CRB2: variants seen among roughly 807,000 people sequenced by gnomAD.
CRB2 encodes crumbs cell polarity complex component 2, also known as protein crumbs homolog 2.
A neutral mutation model predicts 110.9 loss-of-function variants in CRB2; 85 were observed. The ratio of observed to expected loss-of-function variants is 0.77; its 90% CI spans 0.64 to 0.92. The LOEUF is 0.92. Among genes scored for constraint, CRB2 ranks in the 40% least tolerant of loss-of-function variants. CRB2 has a pLI of 0.00. For missense variants in CRB2, 1,843 were observed against 1,851.3 expected (o/e 1.00, Z 0.08); for synonymous variants, 907 against 831.0 (o/e 1.09, Z -1.57).
At chr9:123,362,818 C>T (rs898849440) in intron 1 of CRB2, 47 bp from the exon 2 acceptor site, 8 of 1,521,474 alleles carry the variant, frequency 5.3e-6, no homozygotes, top group African/African-American at 2.8e-5. Flanking sequence ...GGAGATTGTC[C>T]TTGTAACCTC....
intron 11 of CRB2, 64 bp downstream of exon 11, chr9:123,374,759 C>A: frequency 8.2e-7 from 1 of 1,212,738 alleles, no homozygotes; most frequent in Non-Finnish European, 1.2e-6. Flanking sequence ...TTCCTCCAGC[C>A]AGGGTGGGGC....
Position 123,371,082 on chromosome 9 carries a change from C to T in CRB2, c.1940C>T (p.Ala647Val). 1.2e-6 allele frequency: 2 copies of T among 1,612,448 alleles called. No individual in the cohort carries two copies. Among genetic ancestry groups the T allele is most frequent in the East Asian group, 2.2e-5 (1 of 44,876 alleles). ...GPTCADEIPA[A>V]TFGLGGAPSS... ...TCTCTCCCTGCAGAGATTCCTGCTG[C>T]CACCTTTGGCTTGGGAGGCGCCCCA... The change falls in exon 8 of 13, where the codon GCC becomes GTC. Residue 647 changes from alanine (A) to valine (V), a missense_variant. By Grantham distance (64) the Ala-to-Val change is moderately conservative. Transcript: ENST00000373631.
At position 123,374,573 on chromosome 9, in the gene CRB2, C is replaced by T; in HGVS notation, c.3390-6C>T. 1 of 1,609,444 alleles carries T rather than the reference C, an allele frequency of 6.2e-7. No individual in the cohort carries two copies. The highest frequency in any genetic ancestry group is 1.1e-5 in the South Asian group (1 of 90,938). Reference sequence around the variant, plus strand: ...GCACCCACTCCAGCCTCTGCTCTCTCCCCAGGTTGCCTGTCCCATCCAAGG... The same window carrying T: ...GCACCCACTCCAGCCTCTGCTCTCTTCCCAGGTTGCCTGTCCCATCCAAGG... On this transcript the variant is annotated splice_polypyrimidine_tract_variant and splice_region_variant and intron_variant, in intron 10 of 12. Coordinates refer to ENST00000373631, the MANE Select transcript of CRB2 (RefSeq NM_173689.7).
Position 123,373,856 on chromosome 9 carries a change from C to A in CRB2, c.3325C>A (p.His1109Asn). ...HSAPCARGRC[H>N]THPDGRFECR... ...CGCCCCCTGCGCCCGTGGCCGCTGT[C>A]ACACGCACCCCGACGGCCGCTTCGA... The change falls in exon 10 of 13, where the codon CAC (histidine) becomes AAC (asparagine). Residue 1109 changes from histidine to asparagine, a missense_variant. By Grantham distance (68) the His-to-Asn change is moderately conservative. Transcript: ENST00000373631. 2 of 1,559,204 alleles carry A rather than the reference C, an allele frequency of 1.3e-6. No individual in the cohort carries two copies. The highest frequency in any genetic ancestry group is 1.7e-6 in the Non-Finnish European group (2 of 1,157,684).
At chr9:123,366,579 A>T (rs2041935628) in intron 4 of CRB2, among the ~76,000 whole-genome samples, 1 of 152,128 alleles carries the variant, frequency 6.6e-6, no homozygotes. Flanking sequence ...TGCTGCGGGG[A>T]GCTCGAAGGT....
chr9:123,359,452 T>TG (rs1362230873), intron 1 of CRB2, among the ~76,000 whole-genome samples: 9 of 132,560 alleles, frequency 6.8e-5, no homozygotes, highest in South Asian at 2.6e-4. Context: ...TTTTTTTTTT[T>TG]TTTTTTTTTT....
intron 6 of CRB2, chr9:123,369,076 TC>T: frequency 1.6e-6 from 1 of 611,442 alleles, no homozygotes; most frequent in Non-Finnish European, 2.2e-6. Flanking sequence ...CCTGGGTTCC[TC>T]CAGCTGGGAT....
At chr9:123,372,075 G>A in intron 8 of CRB2, 102 bp from the exon 9 acceptor site, 1 of 1,141,956 alleles carries the variant, frequency 8.8e-7, no homozygotes. Flanking sequence ...AGGAGATACT[G>A]TGTCTGTAGT....
In CRB2 at chr9:123,373,253, T is replaced by A. The variant is rs2042043874; in HGVS notation, c.2722T>A (p.Trp908Arg). 5 of 1,495,904 alleles carry A rather than the reference T, an allele frequency of 3.3e-6. No homozygotes were observed. In the East Asian group the frequency reaches 1.4e-4, roughly 41 times the overall value. The allele number at this position is 1,495,904 out of a possible 1,614,324, so 92.7% of individuals were successfully genotyped here. ...CTTTCGCACGCGCGACTCCGAGGCC[T>A]GGCTGCTGCGTGCCGCGGCGGGCGC... ...LAFRTRDSEA[W>R]LLRAAAGALE... Residue 908 changes from tryptophan to arginine, a missense_variant, in exon 10 of 13, where the codon TGG (tryptophan) becomes AGG (arginine). Coordinates refer to ENST00000373631, the MANE Select transcript of CRB2 (RefSeq NM_173689.7).
Position 123,370,643 on chromosome 9 carries a change from C to A in CRB2, c.1590C>A (p.Thr530=). 2.5e-6 allele frequency: 4 copies of A among 1,609,252 alleles called. No individual in the cohort carries two copies. Among genetic ancestry groups the A allele is most frequent in the Non-Finnish European group, 2.5e-6 (3 of 1,180,004 alleles). The stretch of plus-strand genomic sequence containing the variant: ...TGGAGGTTGTGCTCCATCTAGCGAC[C>A]CTGGAGCTACGGCTCTGGCATGAGG... ...HQVEVVLHLA[T]LELRLWHEGC... The change falls in exon 7 of 13, where the codon ACC becomes ACA. Residue 530 remains threonine (T), a synonymous_variant. Transcript: ENST00000373631.
chr9:123,376,774 T>G (rs573433752), intron 12 of CRB2, 64 bp from the exon 13 acceptor site: 1 of 1,442,500 alleles, frequency 6.9e-7, no homozygotes, highest in African/African-American at 1.4e-5. Flanking sequence ...CTCTCTGCTC[T>G]CTGAGGGCCC....
intron 1 of CRB2, among the ~76,000 whole-genome samples, chr9:123,358,690 G>A (rs1202872869): frequency 2.0e-5 from 3 of 152,208 alleles, no homozygotes; most frequent in Non-Finnish European, 4.4e-5. Flanking sequence ...CCCAGAGATG[G>A]CCAGTCCCAG....
intron 1 of CRB2, among the ~76,000 whole-genome samples, chr9:123,361,979 AGCCCCGGT>A (rs1453347263): frequency 6.6e-6 from 1 of 152,116 alleles, no homozygotes; most frequent in Admixed American, 6.5e-5. Context: ...CCTCTGTTAG[AGCCCCGGT>A]GCTGGAAGCA....
chr9:123,357,656 T>G (rs1215231461), intron 1 of CRB2, among the ~76,000 whole-genome samples: 1 of 152,080 alleles, frequency 6.6e-6, no homozygotes, highest in Non-Finnish European at 1.5e-5. Context: ...CTCCTCTCTG[T>G]TCTCTGCATA....
chr9:123,365,528 C>T (rs2041918635), intron 2 of CRB2, among the ~76,000 whole-genome samples: 2 of 152,206 alleles, frequency 1.3e-5, no homozygotes, highest in Non-Finnish European at 2.9e-5. Flanking sequence ...CCCACAGTCC[C>T]CTATCTGAAT....
intron 6 of CRB2, among the ~76,000 whole-genome samples, chr9:123,368,178 T>C (rs2041963987): frequency 6.6e-6 from 1 of 151,978 alleles, no homozygotes; most frequent in East Asian, 1.9e-4. Context: ...CCCTGCCCCC[T>C]CTGGAATGCC....
chr9:123,366,152 C>A, intron 3 of CRB2, 40 bp downstream of exon 3: 1 of 1,379,234 alleles, frequency 7.3e-7, no homozygotes, highest in East Asian at 3.1e-5. Flanking sequence ...GCGCCGGGTG[C>A]CCGAGGGCGG....
At chr9:123,369,067 C>T in intron 6 of CRB2, 4 of 687,090 alleles carry the variant, frequency 5.8e-6, no homozygotes, top group Non-Finnish European at 7.7e-6. Flanking sequence ...TTCTCTGGGC[C>T]TGGGTTCCTC....
chr9:123,374,212 G>A, intron 10 of CRB2: 1 of 600,674 alleles, frequency 1.7e-6, no homozygotes, highest in Non-Finnish European at 2.9e-6. Flanking sequence ...TGGAGGGAGG[G>A]GGTCAGGCTT....
Sources: allele counts gnomAD v4.1 joint callset (sites outside exome capture counted in the v4.1 genomes callset), GRCh38; gene constraint gnomAD v4.1.1; transcripts MANE v1.5; gene names NCBI Gene and HGNC (gene_info 2026-07-23, HGNC 2026-07-21).